MAN1C1: variants seen among roughly 807,000 people sequenced by gnomAD.
MAN1C1 encodes mannosidase alpha class 1C member 1, also known as mannosyl-oligosaccharide 1,2-alpha-mannosidase IC.
MAN1C1 carries 49 observed loss-of-function variants against 71.5 expected under a neutral mutation model. The observed-to-expected ratio is 0.69, with a 90% confidence interval of 0.54 to 0.87. The LOEUF (loss-of-function observed/expected upper bound fraction) is 0.87, where lower values mean the gene tolerates loss of function less well. Among genes scored for constraint, MAN1C1 ranks in the 40% least tolerant of loss-of-function variants. The pLI is 0.00. For synonymous variants in MAN1C1, 352 were observed against 343.7 expected (o/e 1.02, Z -0.27); for missense variants, 743 against 835.0 (o/e 0.89, Z 1.36).
intron 2 of MAN1C1, among the ~76,000 whole-genome samples, chr1:25,701,306 G>T (rs894456386): frequency 6.6e-6 from 1 of 152,314 alleles, no homozygotes; most frequent in East Asian, 1.9e-4. Context: ...CTGAGAACTC[G>T]AGTTCTAGTG....
intron 5 of MAN1C1, among the ~76,000 whole-genome samples, chr1:25,756,276 A>G (rs1407068508): frequency 6.6e-6 from 1 of 152,360 alleles, no homozygotes; most frequent in East Asian, 1.9e-4. Context: ...AACCTGCCCG[A>G]GGTCACTTTG....
At chr1:25,706,454 C>T (rs2046524604) in intron 2 of MAN1C1, among the ~76,000 whole-genome samples, 1 of 152,138 alleles carries the variant, frequency 6.6e-6, no homozygotes, top group Non-Finnish European at 1.5e-5. Flanking sequence ...GGTCGGGGCT[C>T]AGCCAAGTTG....
intron 5 of MAN1C1, among the ~76,000 whole-genome samples, chr1:25,754,080 G>A (rs1017545490): frequency 3.3e-5 from 5 of 152,130 alleles, no homozygotes; most frequent in African/African-American, 9.7e-5. Flanking sequence ...CTCCCAAACA[G>A]GAGCCTAGCT....
rs1003739901 is a variant in MAN1C1 at position 25,764,407 on chromosome 1, A to AT, written c.1141+449dup. On this transcript the variant is annotated intron_variant, in intron 7 of 11. Transcript: ENST00000374332. This position sits in a 1 kb window ranked among gnomAD's most constrained non-coding sequence, Gnocchi z 4.4. ...ATCAGGCTCCCCACTTCCAACTTCA[A>AT]TTTTTTTTTGTTTTTTTGTTTTTGA... Among the ~76,000 whole-genome samples, 21 of 149,618 alleles carry AT rather than the reference A, an allele frequency of 1.4e-4. 1 individual carries two copies. The East Asian group carries it at 2.4e-3, about 17-fold the overall frequency.
chr1:25,756,874 C>G (rs923734409), intron 5 of MAN1C1, among the ~76,000 whole-genome samples: 1 of 152,094 alleles, frequency 6.6e-6, no homozygotes, highest in Non-Finnish European at 1.5e-5. Context: ...CACACTATAC[C>G]GGCTCAATAA....
intron 1 of MAN1C1, among the ~76,000 whole-genome samples, chr1:25,675,003 A>C (rs927735746): frequency 6.6e-6 from 1 of 152,110 alleles, no homozygotes; most frequent in African/African-American, 2.4e-5. Context: ...TACAAAGAGA[A>C]GTGGATGGAG....
chr1:25,781,234 C>T (rs2047690622), intron 10 of MAN1C1, 122 bp downstream of exon 10: 1 of 1,041,354 alleles, frequency 9.6e-7, no homozygotes, highest in African/African-American at 1.6e-5. Context: ...CCTCTGACCA[C>T]AGTTCAGAGT....
rs1250439986 is a variant in MAN1C1 at position 25,781,009 on chromosome 1, A to G, written c.1547A>G (p.Glu516Gly). The G allele has an allele frequency of 6.2e-7, 1 of 1,614,170 alleles. No homozygotes were observed. Among genetic ancestry groups the G allele is most frequent in the East Asian group, 2.2e-5 (1 of 44,880 alleles). ...GAGGCCGTGGCCACCCAGCTGAGCG[A>G]GAGCTACTACATCCTCCGGCCAGAG... is the stretch of plus-strand genomic sequence containing the variant. ...GREAVATQLS[E>G]SYYILRPEVV... Residue 516 changes from glutamate (E) to glycine (G), a missense_variant, in exon 10 of 12, where the codon GAG becomes GGG. Transcript: ENST00000374332.
At chr1:25,644,497 C>CATATATATATATAT (rs1204408970) in intron 1 of MAN1C1, 12 of 80,140 alleles carry the variant, frequency 1.5e-4, no homozygotes, top group African/African-American at 9.0e-4. Context: ...GTACCAGAGA[C>CATATATATATATAT]ATATATATAT....
chr1:25,631,489 A>G lies in MAN1C1; in HGVS notation c.540+13152A>G, dbSNP rs911291190. Among the ~76,000 whole-genome samples the G allele has an allele frequency of 6.6e-6, 1 of 152,178 alleles. No homozygotes were observed. The highest frequency in any genetic ancestry group is 2.4e-5 in the African/African-American group (1 of 41,446). On this transcript the variant is annotated intron_variant, in intron 1 of 11. Coordinates refer to ENST00000374332, the MANE Select transcript of MAN1C1 (RefSeq NM_020379.4). The surrounding 1 kb of genome is among the most constrained non-coding windows in gnomAD (Gnocchi z 4.2). ...GATCTTATTGAATGCTTTTTCTGCA[A>G]CTATTGAGATGATCGTATGGTTTTT...
intron 1 of MAN1C1, among the ~76,000 whole-genome samples, chr1:25,682,098 C>T (rs1226877655): frequency 6.6e-6 from 1 of 152,162 alleles, no homozygotes; most frequent in African/African-American, 2.4e-5. Context: ...TTCTTATTTG[C>T]TGATGAATGA....
chr1:25,660,396 C>CTTTTTTT (rs1178878513), intron 1 of MAN1C1, among the ~76,000 whole-genome samples: 2 of 97,630 alleles, frequency 2.0e-5, no homozygotes, highest in Non-Finnish European at 1.9e-5. Context: ...AGTGAAATTC[C>CTTTTTTT]TTTTTTTTTT....
chr1:25,626,601 G>A (rs541425856), intron 1 of MAN1C1, among the ~76,000 whole-genome samples: 9 of 152,104 alleles, frequency 5.9e-5, no homozygotes, highest in Admixed American at 2.0e-4. Flanking sequence ...CTCATGATCC[G>A]CCTGCCTCGG....
chr1:25,750,648 C>G (rs1363971286), intron 4 of MAN1C1, among the ~76,000 whole-genome samples: 1 of 152,222 alleles, frequency 6.6e-6, no homozygotes, highest in Non-Finnish European at 1.5e-5. Context: ...CTCTCTCCAT[C>G]GAGCATAATC....
chr1:25,668,795 T>A (rs370106136), intron 1 of MAN1C1, among the ~76,000 whole-genome samples: 5 of 152,192 alleles, frequency 3.3e-5, no homozygotes, highest in African/African-American at 9.6e-5. Flanking sequence ...CCTGACCTCG[T>A]GATCCACCCG....
At position 25,778,216 on chromosome 1, in the gene MAN1C1, G is replaced by A. The variant is rs1182710634; in HGVS notation, c.1369G>A (p.Gly457Ser). 1.9e-6 allele frequency: 3 copies of A among 1,614,030 alleles called. No individual in the cohort carries two copies. Among genetic ancestry groups the A allele is most frequent in the South Asian group, 2.2e-5 (2 of 91,072 alleles). Residue 457 changes from glycine to serine, a missense_variant, in exon 9 of 12, where the codon GGC (glycine) becomes AGC (serine). Physicochemically the swap from Gly to Ser is moderately conservative, Grantham distance 56. Transcript: ENST00000374332. The surrounding 1 kb of genome is among the most constrained non-coding windows in gnomAD (Gnocchi z 5.5). The part of the protein sequence containing the change: ...KMGHLACFSG[G>S]MIALGAEDAK... ...GGGGCACCTGGCCTGTTTCTCCGGG[G>A]GCATGATCGCCCTTGGCGCCGAGGA...
intron 1 of MAN1C1, among the ~76,000 whole-genome samples, chr1:25,628,757 C>A (rs2045337138): frequency 6.6e-6 from 1 of 152,144 alleles, no homozygotes; most frequent in Non-Finnish European, 1.5e-5. Context: ...ATCCCTCCCC[C>A]TTCTGAGTCT....
Position 25,764,083 on chromosome 1 carries a change from A to T in MAN1C1, c.1141+116A>T. 1.2e-6 allele frequency: 1 copy of T among 836,344 alleles called. No homozygotes were observed. Among genetic ancestry groups the T allele is most frequent in the Non-Finnish European group, 2.0e-6 (1 of 511,884 alleles). The allele number at this position is 836,344 out of a possible 1,614,324, so 51.8% of individuals were successfully genotyped here. The stretch of plus-strand genomic sequence containing the variant: ...ATGTGTCTGTCAGAGCCATGCAGCC[A>T]GCAAGGCATTCGCTCGGTGCTCCTG... On this transcript the variant is annotated intron_variant, in intron 7 of 11. Coordinates refer to ENST00000374332, the MANE Select transcript of MAN1C1 (RefSeq NM_020379.4). This position sits in a 1 kb window ranked among gnomAD's most constrained non-coding sequence, Gnocchi z 4.4.
chr1:25,675,000 A>C (rs1209347681), intron 1 of MAN1C1, among the ~76,000 whole-genome samples: 1 of 152,204 alleles, frequency 6.6e-6, no homozygotes, highest in Non-Finnish European at 1.5e-5. Context: ...TGGTACAAAG[A>C]GAAGTGGATG....
Sources: allele counts gnomAD v4.1 joint callset (sites outside exome capture counted in the v4.1 genomes callset), GRCh38; gene constraint gnomAD v4.1.1; non-coding constraint Gnocchi (gnomAD v3.1); transcripts MANE v1.5; gene names NCBI Gene and HGNC (gene_info 2026-07-23, HGNC 2026-07-21).